Variants in LINGO1 observed in about 807,000 individuals in gnomAD.
The protein encoded by LINGO1 is leucine rich repeat and Ig domain containing 1.
LINGO1 carries 11 observed loss-of-function variants against 37.3 expected under a neutral mutation model. The ratio of observed to expected loss-of-function variants is 0.29; its 90% CI spans 0.19 to 0.49. The LOEUF (loss-of-function observed/expected upper bound fraction) is 0.49, where lower values mean the gene tolerates loss of function less well. Ranked by LOEUF, LINGO1 falls within the 20% of genes least tolerant of loss-of-function variation. The pLI, the probability that LINGO1 is intolerant of heterozygous loss-of-function variation, is 0.99. For synonymous variants in LINGO1, 387 were observed against 403.0 expected (o/e 0.96, Z 0.48); for missense variants, 585 against 878.2 (o/e 0.67, Z 4.22).
chr15:77,807,919 TAC>T (rs1355850235), intron 1 of LINGO1, among the ~76,000 whole-genome samples: 3 of 152,066 alleles, frequency 2.0e-5, no homozygotes, highest in African/African-American at 7.2e-5. Context: ...ACAAAATATT[TAC>T]AGTCTCTGAG....
chr15:77,804,730 T>TCTCGTC (rs933522019), intron 1 of LINGO1, among the ~76,000 whole-genome samples: 1 of 152,178 alleles, frequency 6.6e-6, no homozygotes, highest in Non-Finnish European at 1.5e-5. Context: ...GGCCCACTTC[T>TCTCGTC]CTCGTCCTCC....
At chr15:77,634,439 C>A, upstream of LINGO1, 1 of 417,932 alleles carries the variant, frequency 2.4e-6, no homozygotes, top group South Asian at 1.8e-5. Context: ...ATGCTATGCT[C>A]TACTGTGAAC....
upstream of LINGO1, among the ~76,000 whole-genome samples, chr15:77,697,790 AAG>A (rs1309511070): frequency 3.9e-5 from 6 of 152,092 alleles, no homozygotes; most frequent in African/African-American, 1.2e-4. Flanking sequence ...TCCGGGATGA[AAG>A]GATCTTTGAA....
In LINGO1 at chr15:77,618,816, C is replaced by CAGTCA; in HGVS notation, c.7-2917_7-2916insTGACT. Among the ~76,000 whole-genome samples, 16 of 67,486 alleles carry CAGTCA rather than the reference C, an allele frequency of 2.4e-4. 8 individuals are homozygous for CAGTCA. Among genetic ancestry groups the CAGTCA allele is most frequent in the Admixed American group, 3.5e-4 (2 of 5,756 alleles). 44.3% of individuals were successfully genotyped at this position (67,486 alleles called of 152,430 possible). ...TTCACCGTTTTAGCCGGGATGGCCTCGATCTCCTGACCTCGTGATCCGCCC... is the reference window on the plus strand; with the variant it reads ...TTCACCGTTTTAGCCGGGATGGCCTCAGTCAGATCTCCTGACCTCGTGATCCGCCC... On this transcript the variant is annotated intron_variant, in intron 1 of 1. Coordinates refer to ENST00000355300, the MANE Select transcript of LINGO1 (RefSeq NM_032808.7).
chr15:77,772,850 A>G (rs2076599827), intron 1 of LINGO1, among the ~76,000 whole-genome samples: 1 of 152,124 alleles, frequency 6.6e-6, no homozygotes, highest in African/African-American at 2.4e-5. Context: ...GAGCAGGCTC[A>G]GGGGGCGCGC....
chr15:77,719,195 G>A (rs2076019850), intron 2 of LINGO1, among the ~76,000 whole-genome samples: 1 of 150,044 alleles, frequency 6.7e-6, no homozygotes, highest in African/African-American at 2.4e-5. Flanking sequence ...TGAGAGTGAG[G>A]CCAGGTTTGC....
intron 1 of LINGO1, among the ~76,000 whole-genome samples, chr15:77,695,759 C>T (rs144786787): frequency 5.4e-4 from 83 of 152,350 alleles, no homozygotes; most frequent in African/African-American, 1.8e-3. Flanking sequence ...CGATCTGTGG[C>T]TGAGCTCTGG....
chr15:77,811,169 G>A (rs2077002874), intron 1 of LINGO1, among the ~76,000 whole-genome samples: 1 of 151,986 alleles, frequency 6.6e-6, no homozygotes, highest in Non-Finnish European at 1.5e-5. Flanking sequence ...AGGGTGGCCG[G>A]TGGGGGCAGC....
chr15:77,646,278 C>T (rs1045635567), intron 3 of LINGO1: 2 of 332,538 alleles, frequency 6.0e-6, no homozygotes, highest in Non-Finnish European at 1.2e-5. Flanking sequence ...TAAGGGACTC[C>T]ACCCCGCCCT....
At chr15:77,818,969 C>A (rs1247847061) in intron 1 of LINGO1, among the ~76,000 whole-genome samples, 6 of 151,844 alleles carry the variant, frequency 4.0e-5, no homozygotes, top group Non-Finnish European at 5.9e-5. Context: ...CGTCCCCACC[C>A]CTCCCGGCCC....
intron 1 of LINGO1, among the ~76,000 whole-genome samples, chr15:77,759,095 G>A (rs781240496): frequency 6.6e-6 from 1 of 152,196 alleles, no homozygotes; most frequent in Non-Finnish European, 1.5e-5. Context: ...TAACAGCAGG[G>A]CTGGCAAGTA....
chr15:77,735,340 G>C (rs894545723), intron 1 of LINGO1, among the ~76,000 whole-genome samples: 5 of 152,236 alleles, frequency 3.3e-5, no homozygotes, highest in African/African-American at 1.2e-4. Flanking sequence ...ATACAAACTA[G>C]ACTTGCAGCG....
chr15:77,753,031 C>A (rs1165800547), intron 1 of LINGO1, among the ~76,000 whole-genome samples: 1 of 152,222 alleles, frequency 6.6e-6, no homozygotes, highest in Non-Finnish European at 1.5e-5. Flanking sequence ...TCACAGACAC[C>A]ACAAAATCAA....
intron 1 of LINGO1, among the ~76,000 whole-genome samples, chr15:77,801,664 G>T (rs966341247): frequency 1.3e-5 from 2 of 152,124 alleles, no homozygotes; most frequent in East Asian, 3.9e-4. Flanking sequence ...CTGGCTAAAG[G>T]GGGAGGGGAC....
intron 1 of LINGO1, among the ~76,000 whole-genome samples, chr15:77,766,702 G>A (rs532643877): frequency 1.3e-5 from 2 of 152,248 alleles, no homozygotes; most frequent in South Asian, 2.1e-4. Flanking sequence ...GTTGACTTCC[G>A]CCATGATTGT....
chr15:77,770,587 CAAAAAAAA>C (rs71145861), intron 1 of LINGO1, among the ~76,000 whole-genome samples: 3 of 79,326 alleles, frequency 3.8e-5, no homozygotes, highest in East Asian at 8.3e-4. Context: ...GACTCTGTCT[CAAAAAAAA>C]AAAAAAAAAA....
At chr15:77,632,953 G>A (rs1370604181), upstream of LINGO1, among the ~76,000 whole-genome samples, 1 of 151,184 alleles carries the variant, frequency 6.6e-6, no homozygotes, top group Non-Finnish European at 1.5e-5. This position sits in a 1 kb window ranked among gnomAD's most constrained non-coding sequence, Gnocchi z 6.0. Context: ...AGGGAGGAGG[G>A]AGCGAGTGAG....
chr15:77,682,321 C>T (rs1351602857), intron 2 of LINGO1, among the ~76,000 whole-genome samples: 5 of 108,528 alleles, frequency 4.6e-5, no homozygotes, highest in Admixed American at 3.7e-4. Flanking sequence ...TGTAGTGTCT[C>T]GTCTCATACA....
At chr15:77,729,458 G>C (rs1294614408) in intron 2 of LINGO1, among the ~76,000 whole-genome samples, 1 of 152,212 alleles carries the variant, frequency 6.6e-6, no homozygotes, top group Non-Finnish European at 1.5e-5. Flanking sequence ...CAGCTAGACA[G>C]AAGAATCCAG....
Sources: allele counts gnomAD v4.1 joint callset (sites outside exome capture counted in the v4.1 genomes callset), GRCh38; gene constraint gnomAD v4.1.1; non-coding constraint Gnocchi (gnomAD v3.1); transcripts MANE v1.5; gene names NCBI Gene and HGNC (gene_info 2026-07-23, HGNC 2026-07-21).